Variants in PUDP observed in about 807,000 individuals in gnomAD.
PUDP encodes the protein pseudouridine 5'-phosphatase.
PUDP carries 8 observed loss-of-function variants against 9.4 expected under a neutral mutation model. The ratio of observed to expected loss-of-function variants is 0.85; its 90% confidence interval spans 0.50 to 1.53. PUDP has a LOEUF of 1.53. Ranked by LOEUF, PUDP falls within the 40% of genes most tolerant of loss-of-function variation. The pLI is 0.00. For synonymous variants in PUDP, 99 were observed against 80.7 expected (o/e 1.23, Z -1.22); for missense variants, 188 against 189.7 (o/e 0.99, Z 0.05).
intron 3 of PUDP, among the ~76,000 whole-genome samples, chrX:7,053,004 A>G (rs1930145478): frequency 8.9e-6 from 1 of 112,120 alleles, no homozygotes; most frequent in African/African-American, 3.2e-5. Flanking sequence ...TGCCTTTTTA[A>G]AAGTTATGAC....
chrX:7,140,566 T>TA (rs58882412), intron 1 of PUDP, among the ~76,000 whole-genome samples: 19 of 109,510 alleles, frequency 1.7e-4, no homozygotes, highest in Non-Finnish European at 3.4e-4. Context: ...TATAGCAGTT[T>TA]AAAAAAAAAG....
At position 7,024,572 on chromosome X, in the gene PUDP, A is replaced by T. The variant is rs140570369; in HGVS notation, c.205-46229T>A. ...TTTCAAATTACTTTTTACTTCTGTG[A>T]CATAACCTAGCCTTCTCTCTTTTTT... On this transcript the variant is annotated intron_variant and NMD_transcript_variant, in intron 1 of 3. Transcript: ENST00000655425. Among the ~76,000 whole-genome samples, 483 of 97,021 alleles carry T rather than the reference A, an allele frequency of 5.0e-3. 1 individual carries two copies. Among genetic ancestry groups the T allele is most frequent in the African/African-American group, 0.019 (466 of 24,437 alleles). The allele number at this position is 97,021 out of a possible 115,157, so 84.3% of individuals were successfully genotyped here.
intron 2 of PUDP, among the ~76,000 whole-genome samples, chrX:7,096,537 G>GA (rs1181779195): frequency 2.3e-4 from 24 of 105,095 alleles, no homozygotes; most frequent in South Asian, 4.2e-4. Context: ...TGTAATTAAA[G>GA]AAAAAAAAAA....
intron 3 of PUDP, among the ~76,000 whole-genome samples, chrX:6,882,138 T>C (rs1309859984): frequency 9.1e-6 from 1 of 110,275 alleles, no homozygotes; most frequent in African/African-American, 3.3e-5. Context: ...CACACTCAGC[T>C]AATTTTTGTA....
intron 1 of PUDP, among the ~76,000 whole-genome samples, chrX:6,718,285 C>T (rs1924622995): frequency 8.9e-6 from 1 of 111,858 alleles, no homozygotes; most frequent in Non-Finnish European, 1.9e-5. Context: ...CAAAAAGATG[C>T]TTGCACTCGT....
chrX:6,911,474 G>A (rs759925973), intron 3 of PUDP, among the ~76,000 whole-genome samples: 579 of 111,752 alleles, frequency 5.2e-3, no homozygotes, highest in African/African-American at 0.017. Flanking sequence ...GATTACAGGC[G>A]TGAGCCACCG....
In PUDP at chrX:6,753,826, T is replaced by A. The variant is rs762593260; in HGVS notation, c.*248-47360A>T. ...GCCCACTTTTTGATGGAATTGTTCG[T>A]TTTTTTCCTTGTTGATTTGTTTGAG... On this transcript the variant is annotated intron_variant and NMD_transcript_variant, in intron 3 of 3. Transcript: ENST00000655425. Among the ~76,000 whole-genome samples the A allele has an allele frequency of 3.6e-5, 4 of 111,882 alleles. No homozygotes were observed. In the South Asian group the frequency reaches 1.5e-3, roughly 42 times the overall value.
intron 1 of PUDP, among the ~76,000 whole-genome samples, chrX:7,021,683 A>T (rs1929636917): frequency 8.9e-6 from 1 of 111,953 alleles, no homozygotes; most frequent in Admixed American, 9.4e-5. Context: ...GCGTATGTCA[A>T]AACTATAGCT....
rs1046933816 is a variant in PUDP, at chrX:7,050,400, G to C, written c.583C>G (p.Pro195Ala). ...LAAGMQVVMV[P>A]DGNLSRDLTT... ...AGATCTCGGCTCAAGTTTCCGTCAG[G>C]AACCATGACCACCTGCATCCCAGCT... Residue 195 changes from proline to alanine, a missense_variant, in exon 4 of 4, where the codon CCT (proline) becomes GCT (alanine). Pro to Ala is a conservative substitution (Grantham distance 27, BLOSUM62 -1). Coordinates refer to ENST00000381077, the MANE Select transcript of PUDP (RefSeq NM_012080.5). The C allele has an allele frequency of 8.3e-7, 1 of 1,209,617 alleles. No homozygotes were observed. Among genetic ancestry groups the C allele is most frequent in the African/African-American group, 1.7e-5 (1 of 57,211 alleles).
At chrX:6,825,206 T>A (rs188059334) in intron 3 of PUDP, among the ~76,000 whole-genome samples, 2 of 111,429 alleles carry the variant, frequency 1.8e-5, no homozygotes, top group African/African-American at 6.5e-5. Flanking sequence ...AAAAAATATA[T>A]CCCTGGGCAA....
intron 3 of PUDP, among the ~76,000 whole-genome samples, chrX:7,061,330 T>C (rs1371053235): frequency 1.8e-5 from 2 of 111,786 alleles, no homozygotes; most frequent in Non-Finnish European, 3.8e-5. Context: ...TTTTTCTGTA[T>C]GTGTATTGGT....
At chrX:6,797,388 AT>A (rs1373911650) in intron 3 of PUDP, among the ~76,000 whole-genome samples, 6 of 111,522 alleles carry the variant, frequency 5.4e-5, no homozygotes, top group African/African-American at 1.6e-4. Context: ...TATTGGATCA[AT>A]AAAATATTAT....
intron 1 of PUDP, chrX:7,117,087 A>G: frequency 8.6e-7 from 1 of 1,158,819 alleles, no homozygotes. Context: ...ATCTAGACTC[A>G]GCCATTTCTT....
chrX:7,070,386 T>C (rs1930692667), intron 3 of PUDP, among the ~76,000 whole-genome samples: 1 of 110,751 alleles, frequency 9.0e-6, no homozygotes, highest in Non-Finnish European at 1.9e-5. Flanking sequence ...GCTGGAGCAA[T>C]GAGGACCCAG....
intron 3 of PUDP, among the ~76,000 whole-genome samples, chrX:7,074,847 A>G (rs190561667): frequency 8.9e-6 from 1 of 112,467 alleles, no homozygotes; most frequent in Non-Finnish European, 1.9e-5. Context: ...GAGCTGTTCC[A>G]GCCGCACCTG....
chrX:6,712,189 C>T lies in PUDP; in HGVS notation n.129-5723G>A, dbSNP rs559849521. 2.9e-4 allele frequency among the ~76,000 whole-genome samples: 33 copies of T among 111,884 alleles called. No homozygotes were observed. The South Asian group carries it at 0.012, about 40-fold the overall frequency. ...TGTGTGTGACAGAATCTCACTCTGT[C>T]GCCCAGGCTGTAGTGCAGTGGCGTA... is the stretch of plus-strand genomic sequence containing the variant. On this transcript the variant is annotated intron_variant and non_coding_transcript_variant, in intron 1 of 2. Coordinates refer to the PUDP transcript ENST00000438499.
At chrX:7,003,124 G>A (rs1310295750) in intron 1 of PUDP, among the ~76,000 whole-genome samples, 1 of 112,209 alleles carries the variant, frequency 8.9e-6, no homozygotes, top group East Asian at 2.8e-4. Flanking sequence ...GACCAAAAGT[G>A]GCTGGAGGAT....
intron 1 of PUDP, among the ~76,000 whole-genome samples, chrX:7,011,685 G>A (rs1205232053): frequency 8.9e-6 from 1 of 112,342 alleles, no homozygotes; most frequent in Non-Finnish European, 1.9e-5. Context: ...CAACTGCCCG[G>A]TAGCATTTAT....
At chrX:7,025,605 C>A (rs1422705874) in intron 1 of PUDP, among the ~76,000 whole-genome samples, 1 of 111,812 alleles carries the variant, frequency 8.9e-6, no homozygotes, top group African/African-American at 3.3e-5. Context: ...GGGTACCTTG[C>A]AGTTTGAATG....
Sources: allele counts gnomAD v4.1 joint callset (sites outside exome capture counted in the v4.1 genomes callset), GRCh38; gene constraint gnomAD v4.1.1; transcripts MANE v1.5; gene names NCBI Gene and HGNC (gene_info 2026-07-23, HGNC 2026-07-21).